Variants in ITPR2 observed in about 807,000 individuals in gnomAD.
The protein encoded by ITPR2 is inositol 1,4,5-trisphosphate receptor type 2.
Under a neutral mutation model 317.1 loss-of-function variants are expected in ITPR2, and 207 were observed. That is an observed-to-expected ratio of 0.65 (90% CI 0.58 to 0.73). The LOEUF (loss-of-function observed/expected upper bound fraction) is 0.73. Ranked by LOEUF, ITPR2 falls within the 30% of genes least tolerant of loss-of-function variation. The pLI is 0.00. For synonymous variants in ITPR2, 1,156 were observed against 1,149.1 expected, an observed-to-expected ratio of 1.01 and a Z score of -0.12; for missense variants, 2,613 against 3,284.0, an observed-to-expected ratio of 0.80 and a Z score of 4.99.
intron 37 of ITPR2, among the ~76,000 whole-genome samples, chr12:26,535,027 G>T (rs1353439066): frequency 1.3e-5 from 2 of 152,134 alleles, no homozygotes; most frequent in African/African-American, 4.8e-5. Flanking sequence ...TACAAGACAG[G>T]ATTTTTTGAG....
At position 26,822,887 on chromosome 12, in the gene ITPR2, C is replaced by A. The variant is rs559951666; in HGVS notation, c.92+9803G>T. Among the ~76,000 whole-genome samples the A allele has an allele frequency of 1.1e-4, 17 of 152,288 alleles. No individual in the cohort carries two copies. In the South Asian group the frequency reaches 2.9e-3, roughly 26 times the overall value. ...TCTCAGATTATTTCTTCTGTCTTTGCATATCTCAACAATATTGAATTGTTT... is the reference window on the plus strand; with the variant it reads ...TCTCAGATTATTTCTTCTGTCTTTGAATATCTCAACAATATTGAATTGTTT... On this transcript the variant is annotated intron_variant, in intron 1 of 56. Transcript: ENST00000381340.
At chr12:26,506,317 T>G (rs1943182186) in intron 37 of ITPR2, among the ~76,000 whole-genome samples, 1 of 151,722 alleles carries the variant, frequency 6.6e-6, no homozygotes, top group East Asian at 1.9e-4. Context: ...ACGACTGGCC[T>G]GGGAAACTTA....
intron 2 of ITPR2, among the ~76,000 whole-genome samples, chr12:26,761,932 T>C (rs766686264): frequency 3.3e-5 from 5 of 152,150 alleles, no homozygotes; most frequent in Non-Finnish European, 5.9e-5. Flanking sequence ...ATTCTGGAGC[T>C]AAAGAATACA....
intron 2 of ITPR2, 112 bp from the exon 3 acceptor site, chr12:26,725,877 A>G: frequency 1.5e-6 from 1 of 686,216 alleles, no homozygotes; most frequent in Non-Finnish European, 2.6e-6. Context: ...CAGAACAGTT[A>G]AAAGTCATAT....
chr12:26,705,022 T>C (rs1263771253), intron 9 of ITPR2, among the ~76,000 whole-genome samples: 3 of 152,218 alleles, frequency 2.0e-5, no homozygotes, highest in Non-Finnish European at 4.4e-5. Flanking sequence ...AAAAGGTTAA[T>C]ACTCTGCAAT....
At chr12:26,605,126 A>AAAAAAAAATATATATATATATATATATAT (rs1555165395) in intron 26 of ITPR2, among the ~76,000 whole-genome samples, 56 of 136,280 alleles carry the variant, frequency 4.1e-4, no homozygotes, top group Non-Finnish European at 7.1e-4. Flanking sequence ...AAAAAATAAA[A>AAAAAAAAATATATATATATATATATATAT]ATATATATAT....
intron 37 of ITPR2, among the ~76,000 whole-genome samples, chr12:26,500,835 T>C (rs1943055798): frequency 6.6e-6 from 1 of 152,198 alleles, no homozygotes; most frequent in Admixed American, 6.5e-5. Context: ...TGTTTCATTT[T>C]TGAGAAAGCA....
intron 2 of ITPR2, among the ~76,000 whole-genome samples, chr12:26,774,226 G>A (rs1005247270): frequency 5.9e-5 from 9 of 151,846 alleles, no homozygotes; most frequent in Non-Finnish European, 1.2e-4. Context: ...CAAACTAATA[G>A]GTCTACAGGT....
At chr12:26,372,865 A>T (rs1939225271) in intron 55 of ITPR2, among the ~76,000 whole-genome samples, 1 of 152,184 alleles carries the variant, frequency 6.6e-6, no homozygotes, top group Non-Finnish European at 1.5e-5. Context: ...GTGTAGCCTG[A>T]GACAGTGGAA....
At chr12:26,516,255 A>AGGAAGGGAAGGGAAG (rs1565574424) in intron 37 of ITPR2, among the ~76,000 whole-genome samples, 2 of 36,916 alleles carry the variant, frequency 5.4e-5, no homozygotes, top group African/African-American at 8.2e-5. Flanking sequence ...AGGAAAGGAA[A>AGGAAGGGAAGGGAAG]GGAAAGGAAA....
intron 52 of ITPR2, 155 bp downstream of exon 52, chr12:26,411,165 C>T: frequency 1.7e-6 from 1 of 586,892 alleles, no homozygotes; most frequent in Non-Finnish European, 3.0e-6. Flanking sequence ...GGAATCCTTT[C>T]TCCTGTTCAA....
intron 2 of ITPR2, among the ~76,000 whole-genome samples, chr12:26,772,427 A>G (rs1227228138): frequency 1.5e-5 from 2 of 131,164 alleles, no homozygotes; most frequent in African/African-American, 2.8e-5. Flanking sequence ...TATATATTAT[A>G]TATAATACAT....
At chr12:26,581,065 T>A (rs1027077981) in intron 32 of ITPR2, among the ~76,000 whole-genome samples, 1 of 152,142 alleles carries the variant, frequency 6.6e-6, no homozygotes, top group Non-Finnish European at 1.5e-5. Context: ...AAAATTGTGG[T>A]TGGTAATATG....
chr12:26,371,481 C>A (rs1049875729), intron 55 of ITPR2, among the ~76,000 whole-genome samples: 9 of 152,174 alleles, frequency 5.9e-5, no homozygotes, highest in African/African-American at 2.2e-4. Flanking sequence ...GTAACAACTC[C>A]ACAGGCAAGT....
chr12:26,824,573 C>T (rs1950984470), intron 1 of ITPR2, among the ~76,000 whole-genome samples: 1 of 152,028 alleles, frequency 6.6e-6, no homozygotes, highest in Non-Finnish European at 1.5e-5. Flanking sequence ...TTTATTTATG[C>T]TTTTTAATGT....
At chr12:26,815,834 C>T (rs1056255837) in intron 1 of ITPR2, among the ~76,000 whole-genome samples, 4 of 152,150 alleles carry the variant, frequency 2.6e-5, no homozygotes, top group African/African-American at 9.7e-5. Context: ...TGGCTTACAT[C>T]TGTAAACCCA....
chr12:26,361,036 A>C (rs975040033), intron 55 of ITPR2, among the ~76,000 whole-genome samples: 2 of 152,086 alleles, frequency 1.3e-5, no homozygotes, highest in Non-Finnish European at 2.9e-5. Flanking sequence ...CAACATAGTG[A>C]AACCCCATCT....
intron 37 of ITPR2, among the ~76,000 whole-genome samples, chr12:26,510,570 G>A (rs1169175010): frequency 9.2e-5 from 14 of 152,140 alleles, no homozygotes; most frequent in Non-Finnish European, 2.9e-5. Context: ...CAGTCAGGTC[G>A]CAGAATGCCA....
chr12:26,817,168 G>A (rs1389573383), intron 1 of ITPR2, among the ~76,000 whole-genome samples: 2 of 116,392 alleles, frequency 1.7e-5, no homozygotes, highest in Non-Finnish European at 3.2e-5. Flanking sequence ...GCGACAGACC[G>A]AGAGTCTCTT....
Sources: gnomAD v4.1 joint callset for allele counts (sites outside exome capture counted in the v4.1 genomes callset) on GRCh38, gnomAD v4.1.1 for gene constraint, MANE v1.5 for transcripts, NCBI Gene and HGNC (gene_info 2026-07-23, HGNC 2026-07-21) for gene names.